The following CFHR4 variants were observed in gnomAD, a reference collection of about 807,000 sequenced individuals.
The protein encoded by CFHR4 is complement factor H related 4.
Under a neutral mutation model 69.3 loss-of-function variants are expected in CFHR4, and 64 were observed. The observed-to-expected ratio is 0.92, with a 90% CI of 0.76 to 1.14. CFHR4 has a LOEUF of 1.14. Ranked by LOEUF, CFHR4 falls within the 50% of genes most tolerant of loss-of-function variation. The pLI, the probability that CFHR4 is intolerant of heterozygous loss-of-function variation, is 0.00. For synonymous variants in CFHR4, 244 were observed against 237.0 expected (o/e 1.03, Z -0.27); for missense variants, 636 against 684.9 (o/e 0.93, Z 0.80).
At chr1:196,917,692 A>G (rs1658728550) in intron 9 of CFHR4, among the ~76,000 whole-genome samples, 1 of 151,458 alleles carries the variant, frequency 6.6e-6, no homozygotes, top group African/African-American at 2.4e-5. Context: ...ATGTATATAT[A>G]GAGAGTTTTA....
intron 1 of CFHR4, among the ~76,000 whole-genome samples, chr1:196,900,242 T>C (rs1473886715): frequency 6.6e-6 from 1 of 150,822 alleles, no homozygotes. Context: ...ACAATTCACA[T>C]GGTAGAAGAC....
chr1:196,912,839 C>G lies in CFHR4; in HGVS notation c.1097C>G (p.Pro366Arg), dbSNP rs755362302. 1.2e-6 allele frequency: 2 copies of G among 1,609,752 alleles called. No individual in the cohort carries two copies. Among genetic ancestry groups the G allele is most frequent in the Non-Finnish European group, 8.5e-7 (1 of 1,178,192 alleles). Residue 366 changes from proline to arginine, a missense_variant, in exon 7 of 10, where the codon CCA becomes CGA. Coordinates refer to ENST00000608469, the MANE Select transcript of CFHR4 (RefSeq NM_001201550.3). ...AAAGAAATACAATATAAATGTAAAC[C>G]AGGATATGCAACAGCAGATGGAAAT... ...LNKEIQYKCK[P>R]GYATADGNSS...
intron 4 of CFHR4, 36 bp from the exon 5 acceptor site, chr1:196,907,280 G>T: frequency 6.4e-7 from 1 of 1,552,468 alleles, no homozygotes; most frequent in Non-Finnish European, 8.9e-7. Flanking sequence ...CAATAAAACT[G>T]TTGATTTTTC....
intron 5 of CFHR4, among the ~76,000 whole-genome samples, chr1:196,908,820 C>G (rs971204390): frequency 6.6e-6 from 1 of 151,468 alleles, no homozygotes; most frequent in Non-Finnish European, 1.5e-5. Flanking sequence ...TTCCTAAGTA[C>G]AGGATGATAC....
chr1:196,902,718 AG>A (rs1367434332), intron 2 of CFHR4, 103 bp downstream of exon 2: 2 of 870,496 alleles, frequency 2.3e-6, no homozygotes, highest in Non-Finnish European at 3.5e-6. Flanking sequence ...ATAGGACCAA[AG>A]GAAGAGTTGT....
chr1:196,912,404 C>T (rs1558249495), intron 6 of CFHR4, among the ~76,000 whole-genome samples: 2 of 151,434 alleles, frequency 1.3e-5, no homozygotes, highest in East Asian at 3.9e-4. Context: ...CAAAAATACT[C>T]AGGTTGTTGC....
chr1:196,918,059 C>G, intron 9 of CFHR4, 151 bp from the exon 10 acceptor site: 1 of 853,466 alleles, frequency 1.2e-6, no homozygotes, highest in Non-Finnish European at 1.7e-6. Flanking sequence ...TTTTGAAATG[C>G]TAAAGTCAGT....
In CFHR4 at chr1:196,918,302, A is replaced by G. The variant is rs1286942242; in HGVS notation, c.1633A>G (p.Thr545Ala). Reference protein sequence around the residue: ...DIKYYAKTGDTIEFMCKLGYN... With the variant: ...DIKYYAKTGDAIEFMCKLGYN... Reference sequence around the variant, plus strand: ...AAAATATTATGCAAAAACAGGGGATACCATTGAATTTATGTGTAAATTGGG... The same window carrying G: ...AAAATATTATGCAAAAACAGGGGATGCCATTGAATTTATGTGTAAATTGGG... Residue 545 changes from threonine (T) to alanine (A), a missense_variant, in exon 10 of 10, where the codon ACC (threonine) becomes GCC (alanine). Physicochemically the swap from Thr to Ala is moderately conservative, Grantham distance 58 (BLOSUM62 0). This residue lies in a region of CFHR4 where 85 missense variants were observed against 79.0 expected (regional missense o/e 1.08). Transcript: ENST00000608469. 5 of 1,610,506 alleles carry G rather than the reference A, an allele frequency of 3.1e-6. No individual in the cohort carries two copies. In the Admixed American group the frequency reaches 8.3e-5, roughly 27 times the overall value.
rs543516146 is a variant in CFHR4, at chr1:196,913,518, C to A, written c.1180+596C>A. ...CAAACCTCCTACCTGCCAATGGATT[C>A]TTTACATGTAAAGTTCTCTGAACAT... On this transcript the variant is annotated intron_variant, in intron 7 of 9. Transcript: ENST00000608469. Among the ~76,000 whole-genome samples the A allele has an allele frequency of 3.3e-5, 5 of 151,552 alleles. No individual in the cohort carries two copies. In the South Asian group the frequency reaches 8.3e-4, roughly 25 times the overall value.
chr1:196,901,591 C>G (rs937338512), intron 1 of CFHR4, among the ~76,000 whole-genome samples: 6 of 151,118 alleles, frequency 4.0e-5, no homozygotes, highest in Admixed American at 1.3e-4. Flanking sequence ...AATGAATATT[C>G]TTCTGGTATT....
Position 196,890,725 on chromosome 1 carries a change from G to A in CFHR4, c.58+2517G>A, listed in dbSNP as rs576852520. Among the ~76,000 whole-genome samples the A allele has an allele frequency of 3.3e-5, 5 of 151,384 alleles. No individual in the cohort carries two copies. The East Asian group carries it at 7.8e-4, about 23-fold the overall frequency. ...CTCTGTTGCCATTGTACTTCTTTGG[G>A]ATGCTCAAATTAGTTTCAAATCTCA... On this transcript the variant is annotated intron_variant, in intron 1 of 9. Coordinates refer to ENST00000608469, the MANE Select transcript of CFHR4 (RefSeq NM_001201550.3).
At chr1:196,902,227 T>A (rs1051745260) in intron 1 of CFHR4, among the ~76,000 whole-genome samples, 191 bp from the exon 2 acceptor site, 5 of 151,444 alleles carry the variant, frequency 3.3e-5, no homozygotes, top group Middle Eastern at 3.2e-3. Context: ...GTCTGCACAG[T>A]TTTCTTCAAT....
rs1263321771 is a variant in CFHR4, at chr1:196,912,884, G to C, written c.1142G>C (p.Cys381Ser). ...GGAAATTCTTCAGGTTCAATTACATGTTTGCAAAATGGATGGTCAGCACAA... is the reference window on the plus strand; with the variant it reads ...GGAAATTCTTCAGGTTCAATTACATCTTTGCAAAATGGATGGTCAGCACAA... The part of the protein sequence containing the change: ...ADGNSSGSIT[C>S]LQNGWSAQPI... The change falls in exon 7 of 10, where the codon TGT (cysteine) becomes TCT (serine). Residue 381 changes from cysteine to serine, a missense_variant. Cys to Ser is a moderately radical substitution (Grantham distance 112, BLOSUM62 -1). Around this residue, in one of 3 missense-constraint regions of CFHR4, gnomAD observed 529 missense variants for 533.2 expected, o/e 0.99. Coordinates refer to ENST00000608469, the MANE Select transcript of CFHR4 (RefSeq NM_001201550.3). 6.2e-7 allele frequency: 1 copy of C among 1,611,648 alleles called. No homozygotes were observed. Among genetic ancestry groups the C allele is most frequent in the East Asian group, 2.2e-5 (1 of 44,704 alleles).
At chr1:196,913,697 T>C (rs1412929413) in intron 7 of CFHR4, among the ~76,000 whole-genome samples, 1 of 151,486 alleles carries the variant, frequency 6.6e-6, no homozygotes, top group East Asian at 1.9e-4. Context: ...GATACTGTTG[T>C]ATAATTTACA....
At chr1:196,890,854 TA>T (rs1656989284) in intron 1 of CFHR4, among the ~76,000 whole-genome samples, 1 of 151,654 alleles carries the variant, frequency 6.6e-6, no homozygotes, top group African/African-American at 2.4e-5. Flanking sequence ...CACCCAGTTC[TA>T]ATAACTTCTC....
chr1:196,907,170 C>A, intron 4 of CFHR4, 133 bp downstream of exon 4: 1 of 1,195,668 alleles, frequency 8.4e-7, no homozygotes, highest in Non-Finnish European at 1.2e-6. Context: ...TGTGAATTAC[C>A]TTGAAACTTA....
At chr1:196,907,988 C>T (rs552708266) in intron 5 of CFHR4, among the ~76,000 whole-genome samples, 28 of 151,288 alleles carry the variant, frequency 1.9e-4, no homozygotes, top group Admixed American at 6.6e-4. Context: ...AAAATGGATA[C>T]GTTCATGTCC....
chr1:196,910,292 T>C lies in CFHR4; in HGVS notation c.811T>C (p.Cys271Arg). The change falls in exon 6 of 10, where the codon TGT (cysteine) becomes CGT (arginine). Residue 271 changes from cysteine to arginine, a missense_variant. Around this residue, in one of 3 missense-constraint regions of CFHR4, gnomAD observed 529 missense variants for 533.2 expected, o/e 0.99. Transcript: ENST00000608469. The stretch of plus-strand genomic sequence containing the variant: ...TTTTTTGTTACAAGCAATGAAACCT[T>C]GTGAGTTTCCAGAAATTCAACATGG... ...EPPRCISMKP[C>R]EFPEIQHGHL... 3.8e-6 allele frequency: 6 copies of C among 1,592,670 alleles called. No individual in the cohort carries two copies. The highest frequency in any genetic ancestry group is 4.3e-6 in the Non-Finnish European group (5 of 1,167,456).
intron 1 of CFHR4, among the ~76,000 whole-genome samples, chr1:196,901,243 C>T (rs1235727259): frequency 3.3e-5 from 5 of 150,496 alleles, no homozygotes; most frequent in South Asian, 2.1e-4. Context: ...TGAACTTCCA[C>T]ATTGGAAGTT....
Sources: allele counts gnomAD v4.1 joint callset (sites outside exome capture counted in the v4.1 genomes callset), GRCh38; gene constraint gnomAD v4.1.1; regional missense constraint gnomAD v4.1.1; transcripts MANE v1.5; gene names NCBI Gene and HGNC (gene_info 2026-07-23, HGNC 2026-07-21).